TTC39B: variants seen among roughly 807,000 people sequenced by gnomAD.
TTC39B encodes the protein tetratricopeptide repeat domain 39B.
In TTC39B, 92 loss-of-function variants were observed where a neutral mutation model predicts 96.6. The observed-to-expected ratio is 0.95, with a 90% CI of 0.80 to 1.13. The LOEUF (loss-of-function observed/expected upper bound fraction) is 1.13. TTC39B is among the 50% of genes most tolerant of loss of function. The probability of loss-of-function intolerance (pLI) is 0.00; values close to 1 mark genes in which losing one functional copy is unlikely to be tolerated. For missense variants in TTC39B, 955 were observed against 809.3 expected, an observed-to-expected ratio of 1.18 and a Z score of -2.18; for synonymous variants, 367 against 299.4, an observed-to-expected ratio of 1.23 and a Z score of -2.33.
intron 16 of TTC39B, chr9:15,183,270 C>T (rs953161374): frequency 3.9e-5 from 15 of 386,830 alleles, no homozygotes; most frequent in African/African-American, 3.1e-4. Flanking sequence ...GATCATGACA[C>T]TCTACCTTCA....
chr9:15,297,530 C>G (rs1331323868), intron 1 of TTC39B, among the ~76,000 whole-genome samples: 2 of 152,244 alleles, frequency 1.3e-5, no homozygotes, highest in African/African-American at 2.4e-5. Context: ...CACTTGAACC[C>G]TCTCTAGACT....
At chr9:15,166,163 T>C (rs1334405575) in exon 20 of TTC39B, 1 of 152,248 alleles carries the variant, frequency 6.6e-6, no homozygotes, top group Non-Finnish European at 1.5e-5. Context: ...GTATATTGTA[T>C]GTTAATATTC....
intron 1 of TTC39B, among the ~76,000 whole-genome samples, chr9:15,289,518 T>G (rs955245002): frequency 6.6e-6 from 1 of 152,078 alleles, no homozygotes; most frequent in Admixed American, 6.5e-5. Flanking sequence ...CACAGAGAGG[T>G]TAAGTTACTT....
intron 1 of TTC39B, among the ~76,000 whole-genome samples, chr9:15,276,306 C>T (rs1279691231): frequency 6.6e-6 from 1 of 152,210 alleles, no homozygotes; most frequent in East Asian, 1.9e-4. Context: ...CACCCATTCT[C>T]TCCTCCTTTT....
intron 3 of TTC39B, among the ~76,000 whole-genome samples, chr9:15,222,918 C>T (rs750641115): frequency 7.2e-5 from 11 of 152,174 alleles, no homozygotes; most frequent in Non-Finnish European, 1.3e-4. Context: ...AGGTCTCCCA[C>T]CTCTAATGAA....
intron 1 of TTC39B, among the ~76,000 whole-genome samples, chr9:15,298,534 A>C (rs1824463822): frequency 6.6e-6 from 1 of 152,134 alleles, no homozygotes. Flanking sequence ...GTGCGGGGAA[A>C]CTGCCCTTTA....
chr9:15,192,623 C>T (rs773921389), exon 9 of TTC39B: 2 of 1,614,060 alleles, frequency 1.2e-6, no homozygotes, highest in Admixed American at 1.7e-5. Context: ...GCTTGACACC[C>T]CCTTCAAACT....
chr9:15,295,503 T>A (rs1824340958), intron 1 of TTC39B, among the ~76,000 whole-genome samples: 1 of 152,198 alleles, frequency 6.6e-6, no homozygotes, highest in Non-Finnish European at 1.5e-5. Flanking sequence ...TCACTTCCCT[T>A]CTGCTTCTTC....
chr9:15,192,826 G>C (rs1818935440), intron 8 of TTC39B, 131 bp from the exon 9 acceptor site: 1 of 633,004 alleles, frequency 1.6e-6, no homozygotes, highest in Non-Finnish European at 2.7e-6. Flanking sequence ...TTTAAAGGAT[G>C]ATGCTGTGCT....
At chr9:15,167,001 TATATATA>T (rs1817534109) in exon 20 of TTC39B, 1 of 10,696 alleles carries the variant, frequency 9.3e-5, no homozygotes, top group Non-Finnish European at 1.5e-4. Flanking sequence ...TATATATATA[TATATATA>T]TATATATATA....
At chr9:15,302,983 C>T (rs1455856982) in intron 1 of TTC39B, among the ~76,000 whole-genome samples, 1 of 152,154 alleles carries the variant, frequency 6.6e-6, no homozygotes, top group Non-Finnish European at 1.5e-5. Flanking sequence ...TCCTGGCCAA[C>T]ATGGTGAAAC....
At chr9:15,298,697 C>T (rs2131616232) in intron 1 of TTC39B, among the ~76,000 whole-genome samples, 1 of 152,244 alleles carries the variant, frequency 6.6e-6, no homozygotes, top group Admixed American at 6.5e-5. Context: ...GGTGGGAACA[C>T]AGCCAAACCA....
intron 1 of TTC39B, among the ~76,000 whole-genome samples, chr9:15,293,260 T>G (rs1331755161): frequency 6.6e-6 from 1 of 152,282 alleles, no homozygotes; most frequent in South Asian, 2.1e-4. Context: ...CTGTACCATC[T>G]AGGATTGTGT....
At chr9:15,176,888 C>G (rs1327530299) in intron 18 of TTC39B, among the ~76,000 whole-genome samples, 1 of 152,150 alleles carries the variant, frequency 6.6e-6, no homozygotes, top group Non-Finnish European at 1.5e-5. Context: ...CATCAGTACC[C>G]TGATTCAACT....
Position 15,203,934 on chromosome 9 carries a change from C to A in TTC39B, c.692-44G>T, listed in dbSNP as rs1334295741. ...ATTATATTAAGTAAAATCACACATC[C>A]AAAGTGATTGCTCTGTGATGTTCAG... On this transcript the variant is annotated intron_variant, in intron 6 of 19. Transcript: ENST00000512701. 2.6e-6 allele frequency: 4 copies of A among 1,526,406 alleles called. No homozygotes were observed. In the African/African-American group the frequency reaches 5.5e-5, roughly 21 times the overall value. The allele number at this position is 1,526,406 out of a possible 1,614,324, so 94.6% of individuals were successfully genotyped here.
chr9:15,296,554 G>C (rs1305013554), intron 1 of TTC39B, among the ~76,000 whole-genome samples: 1 of 152,140 alleles, frequency 6.6e-6, no homozygotes, highest in Non-Finnish European at 1.5e-5. Context: ...GAGCTCAATA[G>C]CTCAATCTCG....
intron 2 of TTC39B, among the ~76,000 whole-genome samples, chr9:15,241,378 T>A (rs1321995156): frequency 6.6e-6 from 1 of 152,072 alleles, no homozygotes; most frequent in Non-Finnish European, 1.5e-5. Flanking sequence ...ATGCTCTAAG[T>A]GGATGACTTA....
At chr9:15,179,888 A>G (rs1273212764) in intron 17 of TTC39B, among the ~76,000 whole-genome samples, 1 of 152,212 alleles carries the variant, frequency 6.6e-6, no homozygotes, top group Non-Finnish European at 1.5e-5. Flanking sequence ...CAAAAATACT[A>G]TATTCCTCCA....
At chr9:15,243,409 T>C (rs900178741) in intron 2 of TTC39B, among the ~76,000 whole-genome samples, 5 of 152,156 alleles carry the variant, frequency 3.3e-5, no homozygotes, top group African/African-American at 1.2e-4. Context: ...TACATTTTCA[T>C]ATACAATACA....
Sources: allele counts gnomAD v4.1 joint callset (sites outside exome capture counted in the v4.1 genomes callset), GRCh38; gene constraint gnomAD v4.1.1; transcripts MANE v1.5; gene names NCBI Gene and HGNC (gene_info 2026-07-23, HGNC 2026-07-21).